The following PSME4 variants were observed in gnomAD, a reference collection of about 807,000 sequenced individuals.
PSME4 encodes the protein proteasome activator subunit 4, also known as proteasome activator complex subunit 4.
Under a neutral mutation model 253.9 loss-of-function variants are expected in PSME4, and 89 were observed. That is an observed-to-expected ratio of 0.35 (90% confidence interval 0.30 to 0.42). The LOEUF is 0.42. Ranked by LOEUF, PSME4 falls within the 10% of genes least tolerant of loss-of-function variation. The pLI, the probability that PSME4 is intolerant of heterozygous loss-of-function variation, is 1.00. For missense variants in PSME4, 2,014 were observed against 2,195.2 expected (o/e 0.92, Z 1.65); for synonymous variants, 851 against 759.2 (o/e 1.12, Z -1.99).
At position 53,890,333 on chromosome 2, in the gene PSME4, G is replaced by A; in HGVS notation, c.4192-125C>T. The A allele has an allele frequency of 6.0e-6, 4 of 669,258 alleles. No individual in the cohort carries two copies. In the South Asian group the frequency reaches 7.6e-5, roughly 13 times the overall value. 41.5% of individuals were successfully genotyped at this position (669,258 alleles called of 1,614,324 possible). A position where few individuals can be genotyped will look rare whatever the true frequency, so the allele number is the denominator to read the frequency against. On this transcript the variant is annotated intron_variant, in intron 36 of 46. Transcript: ENST00000404125. Reference sequence around the variant, plus strand: ...TCATTTAAATTATTTTTGAGACATGGTCTCATGCTATTGCCCAGGCTGGAG... The same window carrying A: ...TCATTTAAATTATTTTTGAGACATGATCTCATGCTATTGCCCAGGCTGGAG...
At chr2:53,962,987 G>C (rs1670556428) in intron 1 of PSME4, among the ~76,000 whole-genome samples, 1 of 149,852 alleles carries the variant, frequency 6.7e-6, no homozygotes. Context: ...TCCAGCCTGG[G>C]TAACAGAGCG....
At chr2:53,919,463 C>G (rs753403753) in intron 19 of PSME4, among the ~76,000 whole-genome samples, 10 of 152,106 alleles carry the variant, frequency 6.6e-5, no homozygotes, top group Non-Finnish European at 1.5e-4. Context: ...CTAAGTAAAT[C>G]ACAAGTAACA....
intron 12 of PSME4, among the ~76,000 whole-genome samples, chr2:53,926,479 G>C (rs571973259): frequency 1.6e-4 from 25 of 152,138 alleles, no homozygotes; most frequent in Non-Finnish European, 3.1e-4. Flanking sequence ...TTCAAGACCA[G>C]TCTGGCCAAC....
chr2:53,937,408 A>T lies in PSME4; in HGVS notation c.678T>A (p.Leu226=). The change falls in exon 5 of 47, where the codon CTT becomes CTA. Residue 226 remains leucine, a synonymous_variant. Coordinates refer to ENST00000404125, the MANE Select transcript of PSME4 (RefSeq NM_014614.3). ...IFLPTSLPPE[L]HHKGFKLWFD... ...ATACTTACTTAAAACCTTTATGATG[A>T]AGTTCTGGAGGAAGGGAGGTAGGAA... 1 of 1,599,822 alleles carries T rather than the reference A, an allele frequency of 6.3e-7. No homozygotes were observed. Among genetic ancestry groups the T allele is most frequent in the Non-Finnish European group, 8.5e-7 (1 of 1,173,368 alleles).
intron 1 of PSME4, among the ~76,000 whole-genome samples, chr2:53,963,977 G>A (rs1434801925): frequency 2.0e-5 from 3 of 151,860 alleles, no homozygotes; most frequent in Admixed American, 6.6e-5. Flanking sequence ...AGGTGATGAG[G>A]TTCATTATAT....
At chr2:53,945,652 C>T (rs780711297) in intron 3 of PSME4, among the ~76,000 whole-genome samples, 6 of 152,130 alleles carry the variant, frequency 3.9e-5, no homozygotes, top group Non-Finnish European at 8.8e-5. Context: ...ACATGCCGCT[C>T]TAAGCAGTGA....
At chr2:53,866,529 G>A (rs945974907) in intron 45 of PSME4, among the ~76,000 whole-genome samples, 1 of 152,218 alleles carries the variant, frequency 6.6e-6, no homozygotes, top group Admixed American at 6.5e-5. Flanking sequence ...GGGAGGGATA[G>A]AAGCTACAAT....
Position 53,948,545 on chromosome 2 carries a change from GTAAAA to G in PSME4, c.384-13_384-9del. 3.2e-6 allele frequency: 5 copies of G among 1,544,552 alleles called. No individual in the cohort carries two copies. Among genetic ancestry groups the G allele is most frequent in the Non-Finnish European group, 4.5e-6 (5 of 1,117,512 alleles). On this transcript the variant is annotated splice_polypyrimidine_tract_variant and intron_variant, in intron 2 of 46. Transcript: ENST00000404125. Reference sequence around the variant, plus strand: ...GAAAGAAGTTCCTTTTTCCTAAAAAGTAAAATAAAATAAATACCTATGTATGCATA... The same window carrying G: ...GAAAGAAGTTCCTTTTTCCTAAAAAGTAAAATAAATACCTATGTATGCATA...
chr2:53,906,943 T>C, intron 24 of PSME4, 75 bp from the exon 25 acceptor site: 2 of 1,375,820 alleles, frequency 1.5e-6, no homozygotes, highest in Non-Finnish European at 2.0e-6. Context: ...TCTAAATACC[T>C]TAATAAGTGG....
intron 43 of PSME4, 81 bp from the exon 44 acceptor site, chr2:53,869,619 G>A: frequency 8.4e-7 from 1 of 1,183,648 alleles, no homozygotes; most frequent in Non-Finnish European, 1.1e-6. Context: ...TGTGGGAACT[G>A]GGGTGAAGAC....
chr2:53,889,096 C>G (rs1044277755), intron 37 of PSME4, among the ~76,000 whole-genome samples: 1 of 152,024 alleles, frequency 6.6e-6, no homozygotes, highest in Admixed American at 6.6e-5. Context: ...AACTCCTGGC[C>G]CCAAGCTATC....
rs113851378 is a variant in PSME4 at position 53,891,782 on chromosome 2, G to A, written c.4191+1026C>T. 6.9e-3 allele frequency among the ~76,000 whole-genome samples: 1,041 copies of A among 151,208 alleles called. 23 individuals carry two copies. The highest frequency in any genetic ancestry group is 0.024 in the African/African-American group (996 of 41,186). On this transcript the variant is annotated intron_variant, in intron 36 of 46. Transcript: ENST00000404125. Reference sequence around the variant, plus strand: ...GGCTGAGGCATTGCTTGAACCCAGGGAGCAGAGGTTGCAGTGAGCAATGAT... The same window carrying A: ...GGCTGAGGCATTGCTTGAACCCAGGAAGCAGAGGTTGCAGTGAGCAATGAT...
At chr2:53,902,386 T>C (rs1680444187) in intron 27 of PSME4, among the ~76,000 whole-genome samples, 1 of 152,214 alleles carries the variant, frequency 6.6e-6, no homozygotes, top group Non-Finnish European at 1.5e-5. Context: ...ACAGCAGGTA[T>C]CCTTTCTAAA....
At chr2:53,936,865 T>C in intron 5 of PSME4, 38 bp from the exon 6 acceptor site, 1 of 1,424,560 alleles carries the variant, frequency 7.0e-7, no homozygotes, top group South Asian at 1.2e-5. Context: ...AGCAAGTGAT[T>C]TTAAAGTGGT....
At chr2:53,883,633 G>C (rs931799900) in intron 41 of PSME4, among the ~76,000 whole-genome samples, 1 of 152,064 alleles carries the variant, frequency 6.6e-6, no homozygotes, top group Admixed American at 6.5e-5. Context: ...CTCTTAAATG[G>C]TTCTAATTTA....
At chr2:53,921,488 G>A (rs190511549) in intron 17 of PSME4, among the ~76,000 whole-genome samples, 114 of 150,312 alleles carry the variant, frequency 7.6e-4, no homozygotes, top group Middle Eastern at 3.4e-3. Context: ...CTAGTGATCC[G>A]CCCGCCTCGG....
At chr2:53,966,968 G>C (rs1275066507) in intron 1 of PSME4, among the ~76,000 whole-genome samples, 3 of 152,162 alleles carry the variant, frequency 2.0e-5, no homozygotes, top group Non-Finnish European at 4.4e-5. Context: ...AAAGTGCTGG[G>C]ATTACAGGCA....
intron 20 of PSME4, among the ~76,000 whole-genome samples, chr2:53,916,298 G>C (rs1668062351): frequency 1.3e-5 from 2 of 151,250 alleles, no homozygotes; most frequent in Admixed American, 1.3e-4. Flanking sequence ...AAACTGGTCT[G>C]GTATTTCAGA....
intron 40 of PSME4, among the ~76,000 whole-genome samples, chr2:53,886,437 G>T (rs1041774879): frequency 6.6e-6 from 1 of 152,174 alleles, no homozygotes; most frequent in Non-Finnish European, 1.5e-5. Flanking sequence ...CAAGAAATAC[G>T]AATGGCTAAT....
Sources: allele counts gnomAD v4.1 joint callset (sites outside exome capture counted in the v4.1 genomes callset), GRCh38; gene constraint gnomAD v4.1.1; transcripts MANE v1.5; gene names NCBI Gene and HGNC (gene_info 2026-07-23, HGNC 2026-07-21).